Variants in CNTN3 observed in about 807,000 individuals in gnomAD.
CNTN3 encodes the protein contactin-3.
In CNTN3, 60 loss-of-function variants were observed where a neutral mutation model predicts 119.1. The ratio of observed to expected loss-of-function variants is 0.50; its 90% CI spans 0.41 to 0.62. CNTN3 has a LOEUF of 0.62. Among genes scored for constraint, CNTN3 ranks in the 20% least tolerant of loss-of-function variants. The pLI is 0.00. For synonymous variants in CNTN3, 450 were observed against 438.7 expected (o/e 1.03, Z -0.32); for missense variants, 1,101 against 1,242.4 (o/e 0.89, Z 1.71).
At chr3:74,330,210 G>C (rs1479023749) in intron 13 of CNTN3, among the ~76,000 whole-genome samples, 1 of 152,078 alleles carries the variant, frequency 6.6e-6, no homozygotes, top group Non-Finnish European at 1.5e-5. Context: ...ACAAAAATTA[G>C]CCGGACACGG....
At chr3:74,534,902 A>G (rs1703744130) in intron 1 of CNTN3, among the ~76,000 whole-genome samples, 1 of 152,030 alleles carries the variant, frequency 6.6e-6, no homozygotes, top group Non-Finnish European at 1.5e-5. Flanking sequence ...TTTAAATTTT[A>G]CAACAGTAAA....
At chr3:74,510,160 C>T (rs4133145) in intron 2 of CNTN3, among the ~76,000 whole-genome samples, 119,807 of 151,560 alleles carry the variant, frequency 0.79, 47,594 homozygotes, top group Middle Eastern at 0.83. Context: ...CAAAATGTTA[C>T]AGCTGATCAC....
At chr3:74,267,221 C>T in intron 21 of CNTN3, 45 bp downstream of exon 21, 1 of 1,208,098 alleles carries the variant, frequency 8.3e-7, no homozygotes, top group Non-Finnish European at 1.2e-6. Flanking sequence ...TTGAAAAGTA[C>T]TGCCAAAATT....
At chr3:74,366,780 G>GTGTGTGTATATATATATATATATA in intron 8 of CNTN3, among the ~76,000 whole-genome samples, 1 of 63,704 alleles carries the variant, frequency 1.6e-5, no homozygotes, top group African/African-American at 8.5e-5. Flanking sequence ...GTGTGTGTGT[G>GTGTGTGTATATATATATATATATA]TATATATATA....
intron 5 of CNTN3, among the ~76,000 whole-genome samples, chr3:74,376,569 G>A (rs1454600348): frequency 6.6e-6 from 1 of 152,110 alleles, no homozygotes; most frequent in Non-Finnish European, 1.5e-5. Context: ...CAAGCTCAGG[G>A]CTCCCAGTGA....
At chr3:74,455,792 C>G (rs1444176627) in intron 4 of CNTN3, among the ~76,000 whole-genome samples, 1 of 151,854 alleles carries the variant, frequency 6.6e-6, no homozygotes, top group Non-Finnish European at 1.5e-5. Flanking sequence ...CCTGGAAGCC[C>G]TGGTTTTCAA....
At chr3:74,563,299 G>A (rs530211575) in intron 1 of CNTN3, among the ~76,000 whole-genome samples, 9 of 152,046 alleles carry the variant, frequency 5.9e-5, no homozygotes, top group Non-Finnish European at 8.8e-5. Context: ...TTAGCTCTTC[G>A]CATTGTGGAA....
At chr3:74,557,111 T>C (rs577091046) in intron 1 of CNTN3, among the ~76,000 whole-genome samples, 1 of 151,108 alleles carries the variant, frequency 6.6e-6, no homozygotes, top group South Asian at 2.1e-4. Flanking sequence ...ACTGGTGTCC[T>C]CTGCAGCATA....
At chr3:74,592,416 T>A (rs1312185401) in intron 1 of CNTN3, among the ~76,000 whole-genome samples, 1 of 151,696 alleles carries the variant, frequency 6.6e-6, no homozygotes, top group Non-Finnish European at 1.5e-5. Flanking sequence ...GACTCAAGAA[T>A]TGTTAAAAAA....
intron 1 of CNTN3, among the ~76,000 whole-genome samples, chr3:74,583,900 C>T (rs1442742100): frequency 1.3e-5 from 2 of 152,246 alleles, no homozygotes; most frequent in South Asian, 4.1e-4. Flanking sequence ...TATATATAGA[C>T]AGACCTAACT....
At chr3:74,332,645 A>G (rs898024461) in intron 13 of CNTN3, among the ~76,000 whole-genome samples, 1 of 152,218 alleles carries the variant, frequency 6.6e-6, no homozygotes, top group Non-Finnish European at 1.5e-5. Flanking sequence ...TTACAGTCAA[A>G]CTACTTTGGA....
chr3:74,517,429 C>A (rs1055323210), intron 2 of CNTN3, among the ~76,000 whole-genome samples: 1 of 151,876 alleles, frequency 6.6e-6, no homozygotes, highest in South Asian at 2.1e-4. Flanking sequence ...GGAAAGCAAA[C>A]GGTTCATTTA....
At chr3:74,433,783 T>C (rs748236623) in intron 4 of CNTN3, among the ~76,000 whole-genome samples, 8 of 152,214 alleles carry the variant, frequency 5.3e-5, no homozygotes, top group Non-Finnish European at 1.0e-4. Flanking sequence ...AAGACTTTTA[T>C]TTATCTTCCA....
At chr3:74,414,384 C>T (rs1197956912) in intron 5 of CNTN3, among the ~76,000 whole-genome samples, 1 of 152,198 alleles carries the variant, frequency 6.6e-6, no homozygotes, top group East Asian at 1.9e-4. Context: ...CACAAAAATA[C>T]TTCAACTCTT....
chr3:74,379,477 C>T lies in CNTN3; in HGVS notation c.455-8078G>A, dbSNP rs537416315. 3.0e-4 allele frequency among the ~76,000 whole-genome samples: 46 copies of T among 152,232 alleles called. 1 individual carries two copies. In the South Asian group the frequency reaches 9.5e-3, roughly 32 times the overall value. ...AACAAATGTCTCTTTCCTGGTGCCA[C>T]GGCTGCTGCTATTGATATAGCAATG... On this transcript the variant is annotated intron_variant, in intron 5 of 22. Transcript: ENST00000263665.
rs140091602 is a variant in CNTN3 at position 74,563,462 on chromosome 3, C to T, written c.-80-42270G>A. On this transcript the variant is annotated intron_variant, in intron 1 of 22. Transcript: ENST00000263665. Reference sequence around the variant, plus strand: ...ATTATTATTAATATGTAATAATTTACAGTTACCCTAACATTCCTTTTACTG... The same window carrying T: ...ATTATTATTAATATGTAATAATTTATAGTTACCCTAACATTCCTTTTACTG... Among the ~76,000 whole-genome samples the T allele has an allele frequency of 6.1e-4, 92 of 151,876 alleles. 1 individual carries two copies. The highest frequency in any genetic ancestry group is 2.0e-3 in the African/African-American group (85 of 41,520).
chr3:74,587,128 GAAAAAAAGC>G (rs1704606574), intron 1 of CNTN3, among the ~76,000 whole-genome samples: 3 of 152,052 alleles, frequency 2.0e-5, no homozygotes, highest in South Asian at 2.1e-4. Flanking sequence ...CCATGGAGGG[GAAAAAAAGC>G]AATAAAAGCA....
rs1701581014 is a variant in CNTN3, at chr3:74,419,311, ACTC to A, written c.454+5531_454+5533del. Among the ~76,000 whole-genome samples, 7 of 151,654 alleles carry A rather than the reference ACTC, an allele frequency of 4.6e-5. No individual in the cohort carries two copies. The South Asian group carries it at 1.3e-3, about 27-fold the overall frequency. ...TGGACAAGTCTTCCTAGAGATGAAAACTCCTATTCAGTGCGTTTTCTTCAGGTT... is the reference window on the plus strand; with the variant it reads ...TGGACAAGTCTTCCTAGAGATGAAAACTATTCAGTGCGTTTTCTTCAGGTT... On this transcript the variant is annotated intron_variant, in intron 5 of 22. Coordinates refer to ENST00000263665, the MANE Select transcript of CNTN3 (RefSeq NM_020872.3).
Position 74,334,806 on chromosome 3 carries a change from A to G in CNTN3, c.1597T>C (p.Phe533Leu). The change falls in exon 13 of 23, where the codon TTT (phenylalanine) becomes CTT (leucine). Residue 533 changes from phenylalanine to leucine, a missense_variant. Phe to Leu is a conservative substitution (Grantham distance 22). Transcript: ENST00000263665. ...VQHDPLLDII[F>L]TWYFNGALAD... ...AGGGCCCCATTGAAATACCAGGTAA[A>G]GATGATGTCTAACAGCGGGTCATGT... 2 of 1,613,658 alleles carry G rather than the reference A, an allele frequency of 1.2e-6. No individual in the cohort carries two copies. Among genetic ancestry groups the G allele is most frequent in the Non-Finnish European group, 1.7e-6 (2 of 1,179,668 alleles).
Sources: allele counts gnomAD v4.1 joint callset (sites outside exome capture counted in the v4.1 genomes callset), GRCh38; gene constraint gnomAD v4.1.1; transcripts MANE v1.5; gene names NCBI Gene and HGNC (gene_info 2026-07-23, HGNC 2026-07-21).